The following DENND1A variants were observed in gnomAD, a reference collection of about 807,000 sequenced individuals.
DENND1A encodes DENN domain-containing protein 1A.
DENND1A carries 51 observed loss-of-function variants against 113.7 expected under a neutral mutation model. The ratio of observed to expected loss-of-function variants is 0.45; its 90% confidence interval spans 0.36 to 0.57. The LOEUF is 0.57. Among genes scored for constraint, DENND1A ranks in the 20% least tolerant of loss-of-function variants. The pLI is 0.00. For missense variants in DENND1A, 1,258 were observed against 1,395.9 expected (o/e 0.90, Z 1.57); for synonymous variants, 565 against 570.8 (o/e 0.99, Z 0.14).
intron 13 of DENND1A, among the ~76,000 whole-genome samples, chr9:123,498,736 T>C (rs1160468300): frequency 6.6e-6 from 1 of 152,010 alleles, no homozygotes; most frequent in Non-Finnish European, 1.5e-5. Flanking sequence ...TTTTTTTTTT[T>C]TCTTGAGACA....
intron 2 of DENND1A, among the ~76,000 whole-genome samples, chr9:123,835,410 A>C (rs978697802): frequency 2.0e-5 from 3 of 152,140 alleles, no homozygotes; most frequent in African/African-American, 7.2e-5. Flanking sequence ...GGCGGCTTTC[A>C]ACAATACAAT....
chr9:123,674,933 A>G (rs2063979002), intron 6 of DENND1A, among the ~76,000 whole-genome samples: 2 of 151,702 alleles, frequency 1.3e-5, no homozygotes, highest in Admixed American at 6.6e-5. Context: ...ATATTATACA[A>G]TTCTGTTTAT....
chr9:123,553,264 A>G (rs889070004), intron 13 of DENND1A, among the ~76,000 whole-genome samples: 11 of 152,142 alleles, frequency 7.2e-5, no homozygotes, highest in Admixed American at 6.5e-5. Flanking sequence ...AATAATAATA[A>G]TAATACAATA....
chr9:123,599,092 G>C (rs2059829368), intron 11 of DENND1A, among the ~76,000 whole-genome samples: 1 of 152,168 alleles, frequency 6.6e-6, no homozygotes, highest in Non-Finnish European at 1.5e-5. Flanking sequence ...CAATGCCTTT[G>C]TTTCTAAACA....
intron 13 of DENND1A, among the ~76,000 whole-genome samples, chr9:123,517,254 GAA>G (rs777671849): frequency 3.3e-5 from 3 of 91,502 alleles, no homozygotes. Flanking sequence ...CTCCGTCTCA[GAA>G]AAAAAAAAAA....
chr9:123,531,568 C>CT (rs1316237091), intron 13 of DENND1A, among the ~76,000 whole-genome samples: 4 of 123,602 alleles, frequency 3.2e-5, no homozygotes, highest in African/African-American at 8.7e-5. Context: ...CACACACACA[C>CT]ACACACACAC....
intron 1 of DENND1A, among the ~76,000 whole-genome samples, chr9:123,912,558 T>C (rs1021630702): frequency 1.3e-5 from 2 of 151,902 alleles, no homozygotes; most frequent in African/African-American, 4.8e-5. Context: ...CCCAAATCCA[T>C]AAAAGACAAG....
At chr9:123,589,647 G>GA (rs58211177) in intron 11 of DENND1A, among the ~76,000 whole-genome samples, 3,324 of 35,418 alleles carry the variant, frequency 0.094, 499 homozygotes, top group African/African-American at 0.18. Context: ...TTCTCAGAAT[G>GA]AAAAAAAAAA....
intron 2 of DENND1A, among the ~76,000 whole-genome samples, chr9:123,799,024 A>G (rs1443576176): frequency 1.3e-5 from 2 of 152,112 alleles, no homozygotes; most frequent in African/African-American, 4.8e-5. Context: ...TTTTTATGCC[A>G]ATATGAATAA....
intron 16 of DENND1A, among the ~76,000 whole-genome samples, chr9:123,452,917 A>C (rs1303445746): frequency 6.6e-6 from 1 of 152,110 alleles, no homozygotes; most frequent in Non-Finnish European, 1.5e-5. Flanking sequence ...ATCTTGAAAA[A>C]AGGAAAGAAT....
At chr9:123,870,684 C>T (rs955520008) in intron 2 of DENND1A, among the ~76,000 whole-genome samples, 10 of 152,088 alleles carry the variant, frequency 6.6e-5, no homozygotes, top group African/African-American at 2.4e-4. Context: ...ATCCGCCCAC[C>T]TCAGCCTCCC....
At chr9:123,609,619 C>T (rs2060321532) in intron 10 of DENND1A, 138 bp from the exon 11 acceptor site, 2 of 1,001,126 alleles carry the variant, frequency 2.0e-6, no homozygotes, top group Admixed American at 3.1e-5. Flanking sequence ...AACAAAAATC[C>T]TAATATGACA....
chr9:123,836,008 T>A (rs1267152655), intron 2 of DENND1A, among the ~76,000 whole-genome samples: 1 of 152,172 alleles, frequency 6.6e-6, no homozygotes, highest in Non-Finnish European at 1.5e-5. Context: ...GTGTAAAGTA[T>A]CCAGCAGGGT....
intron 1 of DENND1A, among the ~76,000 whole-genome samples, chr9:123,913,233 G>C (rs1588215986): frequency 2.0e-5 from 3 of 151,236 alleles, no homozygotes; most frequent in Admixed American, 2.0e-4. Context: ...TTTCAGACAT[G>C]CGAGAACCCA....
At chr9:123,502,573 T>G (rs1470443123) in intron 13 of DENND1A, among the ~76,000 whole-genome samples, 1 of 152,246 alleles carries the variant, frequency 6.6e-6, no homozygotes, top group Non-Finnish European at 1.5e-5. Context: ...CTATATAGTC[T>G]GGATGTTAAT....
At chr9:123,750,543 C>A (rs563762768) in intron 5 of DENND1A, among the ~76,000 whole-genome samples, 61 of 152,356 alleles carry the variant, frequency 4.0e-4, no homozygotes, top group Admixed American at 1.0e-3. Flanking sequence ...CTGAGACCCA[C>A]AGTCGGTGAA....
intron 1 of DENND1A, among the ~76,000 whole-genome samples, chr9:123,904,127 A>G (rs1048128668): frequency 6.6e-6 from 1 of 152,108 alleles, no homozygotes; most frequent in Admixed American, 6.5e-5. Context: ...CACCTCACAC[A>G]GCAGGGTATT....
At chr9:123,468,471 A>G (rs1046711337) in intron 13 of DENND1A, among the ~76,000 whole-genome samples, 1 of 152,194 alleles carries the variant, frequency 6.6e-6, no homozygotes, top group Admixed American at 6.5e-5. Flanking sequence ...AGTCCTTTTT[A>G]AAAACTTAAG....
intron 13 of DENND1A, among the ~76,000 whole-genome samples, chr9:123,467,856 C>T (rs1318979359): frequency 6.6e-6 from 1 of 152,134 alleles, no homozygotes. Context: ...TTGCTTATGA[C>T]ACCCTGTCCA....
Sources: gnomAD v4.1 joint callset for allele counts (sites outside exome capture counted in the v4.1 genomes callset) on GRCh38, gnomAD v4.1.1 for gene constraint, MANE v1.5 for transcripts, NCBI Gene and HGNC (gene_info 2026-07-23, HGNC 2026-07-21) for gene names.